Variants in TOP2B observed in about 807,000 individuals in gnomAD.
The protein encoded by TOP2B is DNA topoisomerase II beta, also known as DNA topoisomerase 2-beta.
TOP2B carries 51 observed loss-of-function variants against 193.5 expected under a neutral mutation model. That is an observed-to-expected ratio of 0.26 (90% CI 0.21 to 0.33). The LOEUF (loss-of-function observed/expected upper bound fraction) is 0.33. TOP2B is among the 10% of genes least tolerant of loss of function. TOP2B has a pLI of 1.00. For missense variants in TOP2B, 1,378 were observed against 1,909.3 expected (o/e 0.72, Z 5.19); for synonymous variants, 634 against 635.7 (o/e 1.00, Z 0.04).
In TOP2B at chr3:25,630,086, A is replaced by G; in HGVS notation, c.1632T>C (p.Asp544=). ...IVGLQYKKSY[D]DAESLKTLRY... ...GTAAGGTTTTCAGAGATTCTGCATC[A>G]TCGTAACTTTTCTTATATTGTAGAC... The change falls in exon 13 of 36, where the codon GAT becomes GAC. Residue 544 remains aspartate (D), a synonymous_variant. Transcript: ENST00000264331. The G allele has an allele frequency of 7.5e-6, 12 of 1,607,668 alleles. No homozygotes were observed. Among genetic ancestry groups the G allele is most frequent in the Non-Finnish European group, 9.3e-6 (11 of 1,176,792 alleles).
rs751607153 is a variant in TOP2B at position 25,615,463 on chromosome 3, C to T, written c.3475G>A (p.Val1159Ile). Residue 1159 changes from valine (V) to isoleucine (I), a missense_variant, in exon 26 of 36, where the codon GTT becomes ATT. This residue lies in a region of TOP2B where 556 missense variants were observed against 584.2 expected (regional missense o/e 0.95). Transcript: ENST00000264331. ...MSLWSLTKEK[V>I]EELIKQRDAK... ...TCTCTCTGTTTAATCAGTTCTTCAA[C>T]TTTTTCTTTAGTAAGAGACCACAGA... 1 of 1,563,384 alleles carries T rather than the reference C, an allele frequency of 6.4e-7. No individual in the cohort carries two copies. Among genetic ancestry groups the T allele is most frequent in the Middle Eastern group, 1.9e-4 (1 of 5,386 alleles).
Position 25,643,794 on chromosome 3 carries a change from A to C in TOP2B, c.241-10T>G. 2 of 1,605,402 alleles carry C rather than the reference A, an allele frequency of 1.2e-6. No individual in the cohort carries two copies. The highest frequency in any genetic ancestry group is 1.7e-6 in the Non-Finnish European group (2 of 1,173,464). ...CATACACCCACATGAACTGCATTGA[A>C]AAATTCAAAAAAAATTTTACTCAAT... On this transcript the variant is annotated splice_polypyrimidine_tract_variant and intron_variant, in intron 2 of 35. Coordinates refer to ENST00000264331, the MANE Select transcript of TOP2B (RefSeq NM_001330700.2).
intron 2 of TOP2B, 67 bp from the exon 3 acceptor site, chr3:25,643,851 T>A: frequency 8.6e-7 from 1 of 1,167,300 alleles, no homozygotes; most frequent in Non-Finnish European, 1.3e-6. Flanking sequence ...CATAGTATAA[T>A]CCACATCCTG....
intron 28 of TOP2B, 58 bp from the exon 29 acceptor site, chr3:25,609,770 G>C (rs1349150289): frequency 7.1e-6 from 10 of 1,410,298 alleles, no homozygotes; most frequent in Non-Finnish European, 9.2e-6. Flanking sequence ...ACATATTTTA[G>C]AGATAGTTTC....
chr3:25,660,832 T>C (rs1029638064), intron 1 of TOP2B, among the ~76,000 whole-genome samples: 2 of 152,176 alleles, frequency 1.3e-5, no homozygotes, highest in Non-Finnish European at 2.9e-5. Flanking sequence ...TCAAAAAATG[T>C]GACTTTTGAG....
intron 32 of TOP2B, among the ~76,000 whole-genome samples, chr3:25,605,761 T>C (rs573837710): frequency 2.4e-4 from 37 of 152,042 alleles, no homozygotes; most frequent in Admixed American, 3.9e-4. Flanking sequence ...ATTATTTCTT[T>C]TCTCTCATTA....
chr3:25,606,754 T>A (rs1020441292), intron 31 of TOP2B, among the ~76,000 whole-genome samples: 1 of 152,200 alleles, frequency 6.6e-6, no homozygotes, highest in Non-Finnish European at 1.5e-5. Context: ...AACCTCCCAA[T>A]TCTAAGGACT....
At chr3:25,643,423 A>T (rs879333210) in intron 3 of TOP2B, among the ~76,000 whole-genome samples, 1 of 152,244 alleles carries the variant, frequency 6.6e-6, no homozygotes, top group Non-Finnish European at 1.5e-5. Context: ...CATATCCCAG[A>T]TGACTACACA....
intron 30 of TOP2B, 130 bp from the exon 31 acceptor site, chr3:25,607,505 C>T: frequency 8.1e-7 from 1 of 1,239,724 alleles, no homozygotes; most frequent in Non-Finnish European, 1.1e-6. Context: ...TAAAAGCAAG[C>T]ATTTACAGAA....
chr3:25,648,283 C>T (rs1333226245), intron 1 of TOP2B, among the ~76,000 whole-genome samples: 1 of 152,134 alleles, frequency 6.6e-6, no homozygotes, highest in African/African-American at 2.4e-5. Context: ...CAGCACGAGA[C>T]GCCACAAGTA....
Position 25,664,759 on chromosome 3 carries a change from C to T in TOP2B, c.-462G>A, listed in dbSNP as rs1704040825. The stretch of plus-strand genomic sequence containing the variant: ...CCACTCGAGTCGCCAGAGTAGTCGT[C>T]CCGGTCGCCGCCGCTGCTTCAAAGG... On this transcript the variant is annotated 5_prime_UTR_variant, in exon 1 of 36. Transcript: ENST00000264331. 1.3e-5 allele frequency: 13 copies of T among 988,466 alleles called. No homozygotes were observed. In the South Asian group the frequency reaches 4.6e-4, roughly 35 times the overall value. The allele number at this position is 988,466 out of a possible 1,614,324, so 61.2% of individuals were successfully genotyped here.
At chr3:25,628,071 A>AG (rs1687293867) in intron 15 of TOP2B, among the ~76,000 whole-genome samples, 1 of 150,816 alleles carries the variant, frequency 6.6e-6, no homozygotes, top group South Asian at 2.1e-4. Context: ...AAAACAATTA[A>AG]AAAAAAACGA....
Position 25,604,887 on chromosome 3 carries a change from C to T in TOP2B, c.4379-17G>A, listed in dbSNP as rs1449573672. 1.1e-5 allele frequency: 18 copies of T among 1,574,802 alleles called. No individual in the cohort carries two copies. Among genetic ancestry groups the T allele is most frequent in the Admixed American group, 5.1e-5 (3 of 59,370 alleles). On this transcript the variant is annotated splice_polypyrimidine_tract_variant and intron_variant, in intron 32 of 35. Transcript: ENST00000264331. ...TAGCTGAATCTAAAAATTGCAAAGC[C>T]TTCTTTTAGTAAAGAGATGTTATAA...
At chr3:25,648,527 C>A (rs930029544) in intron 1 of TOP2B, among the ~76,000 whole-genome samples, 2 of 152,112 alleles carry the variant, frequency 1.3e-5, no homozygotes, top group Non-Finnish European at 2.9e-5. Context: ...AATAACAATA[C>A]AAAGAAACAG....
rs555632638 is a variant in TOP2B, at chr3:25,628,698, G to C, written c.1906+149C>G. ...TGAAATCTATTACACTATTCTACTT[G>C]CATACATTTTTCTATAACAATACTT... is the stretch of plus-strand genomic sequence containing the variant. On this transcript the variant is annotated intron_variant, in intron 15 of 35. Coordinates refer to ENST00000264331, the MANE Select transcript of TOP2B (RefSeq NM_001330700.2). The C allele has an allele frequency of 2.9e-5, 16 of 559,082 alleles. No homozygotes were observed. In the African/African-American group the frequency reaches 2.9e-4, roughly 10 times the overall value. 34.6% of individuals were successfully genotyped at this position (559,082 alleles called of 1,614,324 possible).
At chr3:25,656,671 T>C (rs982370451) in intron 1 of TOP2B, among the ~76,000 whole-genome samples, 1 of 152,122 alleles carries the variant, frequency 6.6e-6, no homozygotes, top group Non-Finnish European at 1.5e-5. Context: ...CAAAGGAGTA[T>C]ATATAAAACA....
chr3:25,610,138 T>C (rs527241339), intron 28 of TOP2B, among the ~76,000 whole-genome samples: 2 of 151,404 alleles, frequency 1.3e-5, no homozygotes, highest in East Asian at 1.9e-4. Context: ...GAGGCGGAGA[T>C]TGCGGTGAGC....
At chr3:25,635,515 A>G (rs889101513) in intron 7 of TOP2B, among the ~76,000 whole-genome samples, 8 of 152,178 alleles carry the variant, frequency 5.3e-5, no homozygotes, top group African/African-American at 1.9e-4. Context: ...CATGTAAACT[A>G]TAAGAAATAA....
chr3:25,654,087 G>A (rs749548394), intron 1 of TOP2B, among the ~76,000 whole-genome samples: 1 of 152,096 alleles, frequency 6.6e-6, no homozygotes, highest in Non-Finnish European at 1.5e-5. Flanking sequence ...ATTCAAGATA[G>A]TATTAGAAGT....
Sources: gnomAD v4.1 joint callset for allele counts (sites outside exome capture counted in the v4.1 genomes callset) on GRCh38, gnomAD v4.1.1 for gene constraint, gnomAD v4.1.1 regional missense constraint, MANE v1.5 for transcripts, NCBI Gene and HGNC (gene_info 2026-07-23, HGNC 2026-07-21) for gene names.